The following GLI3 variants were observed in gnomAD, a reference collection of about 807,000 sequenced individuals.
The protein encoded by GLI3 is GLI family zinc finger 3.
In GLI3, 20 loss-of-function variants were observed where a neutral mutation model predicts 100.8. That is an observed-to-expected ratio of 0.20 (90% CI 0.14 to 0.29). The LOEUF (loss-of-function observed/expected upper bound fraction) is 0.29, where lower values mean the gene tolerates loss of function less well. Among genes scored for constraint, GLI3 ranks in the 10% least tolerant of loss-of-function variants. The probability of loss-of-function intolerance (pLI) is 1.00; values close to 1 mark genes in which losing one functional copy is unlikely to be tolerated. For missense variants in GLI3, 2,040 were observed against 2,128.5 expected, an observed-to-expected ratio of 0.96 and a Z score of 0.82; for synonymous variants, 938 against 860.5, an observed-to-expected ratio of 1.09 and a Z score of -1.58.
chr7:42,148,164 CACACACA>C (rs1786765461), intron 3 of GLI3, 55 bp downstream of exon 3: 1 of 1,537,460 alleles, frequency 6.5e-7, no homozygotes, highest in Admixed American at 1.9e-5. Context: ...CACACACACA[CACACACA>C]CACACAGCCC....
In GLI3 at chr7:42,223,155, G is replaced by T. The variant is rs201109218; in HGVS notation, c.99C>A (p.Ala33=). 6.2e-7 allele frequency: 1 copy of T among 1,613,960 alleles called. No individual in the cohort carries two copies. The highest frequency in any genetic ancestry group is 1.7e-5 in the Admixed American group (1 of 60,008). ...CATTAGAAGTGGTGCTGGAGGCAAC[G>T]GCTTTCTCGCTCACATCTGTTCGAG... The part of the protein sequence containing the change: ...CSTRTDVSEK[A]VASSTTSNED... Residue 33 remains alanine (A), a synonymous_variant, in exon 2 of 15, where the codon GCC becomes GCA. Transcript: ENST00000395925.
chr7:41,978,869 T>G (rs1026619631), intron 10 of GLI3, 121 bp from the exon 11 acceptor site: 4 of 859,494 alleles, frequency 4.7e-6, no homozygotes, highest in Non-Finnish European at 7.4e-6. Context: ...AAGAATAACT[T>G]TACCATATTA....
At chr7:42,237,867 A>AGCTGCGAGGCGGGCGGCGGCG (rs1788850398), upstream of GLI3, 2 of 149,296 alleles carry the variant, frequency 1.3e-5, no homozygotes, top group Admixed American at 1.3e-4. Flanking sequence ...AGTGGGTCCC[A>AGCTGCGAGGCGGGCGGCGGCG]GCTGCGAGGC....
At chr7:42,126,228 TGAG>T (rs1340504317) in intron 3 of GLI3, among the ~76,000 whole-genome samples, 5 of 152,238 alleles carry the variant, frequency 3.3e-5, no homozygotes, top group South Asian at 2.1e-4. Context: ...TTCTGACATT[TGAG>T]GAGAAGGAAA....
intron 3 of GLI3, 108 bp downstream of exon 3, chr7:42,148,118 A>G (rs1441683401): frequency 8.2e-7 from 1 of 1,212,570 alleles, no homozygotes; most frequent in East Asian, 2.6e-5. Flanking sequence ...TATACAAGCC[A>G]AAACTTCATA....
intron 2 of GLI3, among the ~76,000 whole-genome samples, chr7:42,213,371 T>C (rs1472216719): frequency 6.6e-6 from 1 of 152,224 alleles, no homozygotes; most frequent in African/African-American, 2.4e-5. Flanking sequence ...AAAGTTTTAA[T>C]TGACCTTTTC....
At chr7:41,973,425 A>G (rs962236899) in intron 12 of GLI3, among the ~76,000 whole-genome samples, 2 of 152,208 alleles carry the variant, frequency 1.3e-5, no homozygotes, top group Non-Finnish European at 2.9e-5. Context: ...TTCATTTTCT[A>G]TGTGGGTCAG....
At chr7:42,178,170 C>T (rs770769691) in intron 2 of GLI3, among the ~76,000 whole-genome samples, 3 of 152,204 alleles carry the variant, frequency 2.0e-5, no homozygotes, top group Non-Finnish European at 4.4e-5. Context: ...CAAATGTCCA[C>T]ACACTCAACT....
At chr7:42,205,587 G>C (rs1428997091) in intron 2 of GLI3, among the ~76,000 whole-genome samples, 1 of 152,150 alleles carries the variant, frequency 6.6e-6, no homozygotes, top group African/African-American at 2.4e-5. Flanking sequence ...CTTTTCCTGA[G>C]CCAATATAAG....
chr7:42,235,945 T>C (rs1265772847), intron 1 of GLI3, among the ~76,000 whole-genome samples: 2 of 151,988 alleles, frequency 1.3e-5, no homozygotes, highest in Non-Finnish European at 2.9e-5. Context: ...ACTGGGGAGA[T>C]GAGAAGTTGG....
intron 7 of GLI3, among the ~76,000 whole-genome samples, chr7:42,031,091 C>T (rs759328960): frequency 6.6e-6 from 1 of 152,090 alleles, no homozygotes; most frequent in Non-Finnish European, 1.5e-5. Flanking sequence ...AACCTTGGTA[C>T]CTGTGCTTCC....
chr7:42,065,635 T>C (rs1042409665), intron 4 of GLI3, among the ~76,000 whole-genome samples: 1 of 152,184 alleles, frequency 6.6e-6, no homozygotes, highest in African/African-American at 2.4e-5. Context: ...TTTGTTTTTG[T>C]TGTTCATTAT....
chr7:42,202,505 G>C (rs910462852), intron 2 of GLI3, among the ~76,000 whole-genome samples: 2 of 152,154 alleles, frequency 1.3e-5, no homozygotes, highest in Non-Finnish European at 1.5e-5. Flanking sequence ...GCAGTAGTCA[G>C]TATCGATTGT....
At chr7:42,239,248 T>G (rs757794793), upstream of GLI3, among the ~76,000 whole-genome samples, 1 of 152,198 alleles carries the variant, frequency 6.6e-6, no homozygotes. Flanking sequence ...CCGCGCTCAC[T>G]AACTGGCCTC....
chr7:41,992,338 G>A (rs1788009727), intron 10 of GLI3, among the ~76,000 whole-genome samples: 1 of 152,168 alleles, frequency 6.6e-6, no homozygotes, highest in Non-Finnish European at 1.5e-5. Context: ...TAACAGTATT[G>A]GAGGGCCAGG....
At chr7:42,219,182 A>G (rs1788434904) in intron 2 of GLI3, among the ~76,000 whole-genome samples, 2 of 152,370 alleles carry the variant, frequency 1.3e-5, no homozygotes, top group East Asian at 1.9e-4. Context: ...CATACTTTCT[A>G]TGGGAAAGCC....
chr7:41,964,554 C>A lies in GLI3; in HGVS notation c.4519G>T (p.Asp1507Tyr). The A allele has an allele frequency of 6.2e-7, 1 of 1,613,908 alleles. No individual in the cohort carries two copies. The highest frequency in any genetic ancestry group is 8.5e-7 in the Non-Finnish European group (1 of 1,179,774). Residue 1507 changes from aspartate (D) to tyrosine (Y), a missense_variant, in exon 15 of 15, where the codon GAT becomes TAT. Around this residue, in one of 5 missense-constraint regions of GLI3, gnomAD observed 1,041 missense variants for 924.0 expected, o/e 1.13. Coordinates refer to ENST00000395925, the MANE Select transcript of GLI3 (RefSeq NM_000168.6). ...TGGTCCCCATCGTCTATGATGGCAT[C>A]GAAGTCAATCTGTACCCCTTCCAGG... is the stretch of plus-strand genomic sequence containing the variant. The part of the protein sequence containing the change: ...HDLEGVQIDF[D>Y]AIIDDGDHSS...
At chr7:42,064,606 A>T (rs527314916) in intron 4 of GLI3, among the ~76,000 whole-genome samples, 1 of 152,204 alleles carries the variant, frequency 6.6e-6, no homozygotes. Context: ...TGTAACCAAC[A>T]TATTATTGGG....
At chr7:42,100,263 G>A (rs1412031752) in intron 3 of GLI3, among the ~76,000 whole-genome samples, 1 of 152,216 alleles carries the variant, frequency 6.6e-6, no homozygotes, top group Non-Finnish European at 1.5e-5. Flanking sequence ...GTGGAAGGAG[G>A]AAGCCACAGC....
Sources: allele counts gnomAD v4.1 joint callset (sites outside exome capture counted in the v4.1 genomes callset), GRCh38; gene constraint gnomAD v4.1.1; regional missense constraint gnomAD v4.1.1; transcripts MANE v1.5; gene names NCBI Gene and HGNC (gene_info 2026-07-23, HGNC 2026-07-21).